HIVEP1: variants seen among roughly 807,000 people sequenced by gnomAD.
HIVEP1 encodes the protein zinc finger protein 40.
Under a neutral mutation model 180.0 loss-of-function variants are expected in HIVEP1, and 36 were observed. That is an observed-to-expected ratio of 0.20 (90% CI 0.15 to 0.26). The LOEUF is 0.26. Ranked by LOEUF, HIVEP1 falls within the 10% of genes least tolerant of loss-of-function variation. The probability of loss-of-function intolerance (pLI) is 1.00; values close to 1 mark genes in which losing one functional copy is unlikely to be tolerated. For missense variants in HIVEP1, 3,143 were observed against 3,268.7 expected (o/e 0.96, Z 0.94); for synonymous variants, 1,239 against 1,239.0 (o/e 1.00, Z 0.00).
At chr6:12,039,655 C>T (rs1006912450) in intron 2 of HIVEP1, among the ~76,000 whole-genome samples, 24 of 152,098 alleles carry the variant, frequency 1.6e-4, no homozygotes, top group Non-Finnish European at 2.9e-5. Flanking sequence ...CAAGTAGAAG[C>T]GTAAAGCCAG....
chr6:12,053,354 A>AT (rs142042716), intron 2 of HIVEP1, among the ~76,000 whole-genome samples: 28,466 of 151,970 alleles, frequency 0.19, 2,659 homozygotes, highest in Middle Eastern at 0.24. Flanking sequence ...GAAGAGTGGG[A>AT]TTTTTTTCTA....
the HIVEP1 span, among the ~76,000 whole-genome samples, chr6:12,181,060 T>G: frequency 0.072 from 10,959 of 152,256 alleles, 412 homozygotes; most frequent in South Asian, 0.15. Context: ...TTTTGTAACT[T>G]AAGCAAAATT....
the HIVEP1 span, among the ~76,000 whole-genome samples, chr6:12,208,356 C>G: frequency 6.6e-6 from 1 of 152,078 alleles, no homozygotes; most frequent in Non-Finnish European, 1.5e-5. Context: ...TGACAGCAGT[C>G]AGGAAGTATA....
chr6:12,016,360 A>G (rs1767747803), intron 2 of HIVEP1, among the ~76,000 whole-genome samples: 1 of 152,252 alleles, frequency 6.6e-6, no homozygotes, highest in Admixed American at 6.5e-5. Context: ...TATCTTTTAT[A>G]TTAAACTTCA....
chr6:12,151,803 T>A (rs1759720457), intron 7 of HIVEP1, among the ~76,000 whole-genome samples: 2 of 152,210 alleles, frequency 1.3e-5, no homozygotes, highest in South Asian at 4.1e-4. Flanking sequence ...AGCCTGGCTG[T>A]GTTCCAATAA....
At chr6:12,197,509 A>G in the HIVEP1 span, among the ~76,000 whole-genome samples, 18 of 148,812 alleles carry the variant, frequency 1.2e-4, no homozygotes, top group Admixed American at 3.4e-4. Flanking sequence ...GCCGAGGTCG[A>G]GCCACTGCAC....
chr6:12,122,483 T>C lies in HIVEP1; in HGVS notation c.2688T>C (p.Leu896=). Residue 896 remains leucine, a synonymous_variant, in exon 4 of 9, where the codon CTT becomes CTC. Coordinates refer to ENST00000379388, the MANE Select transcript of HIVEP1 (RefSeq NM_002114.4). ...PVPQSGHPRT[L]VRQAAIEDSS... ...CCCAGAGTGGGCATCCCCGTACACT[T>C]GTGAGACAAGCAGCCATAGAAGACT... is the stretch of plus-strand genomic sequence containing the variant. 1.2e-6 allele frequency: 2 copies of C among 1,614,190 alleles called. No individual in the cohort carries two copies. The highest frequency in any genetic ancestry group is 1.7e-6 in the Non-Finnish European group (2 of 1,180,030).
chr6:12,055,533 C>T (rs760228260), intron 2 of HIVEP1, among the ~76,000 whole-genome samples: 3 of 151,988 alleles, frequency 2.0e-5, no homozygotes, highest in Admixed American at 1.3e-4. Flanking sequence ...AATAGAAAAC[C>T]ACAATGCCTC....
At chr6:12,112,403 T>G (rs1343650823) in intron 3 of HIVEP1, among the ~76,000 whole-genome samples, 1 of 152,226 alleles carries the variant, frequency 6.6e-6, no homozygotes, top group African/African-American at 2.4e-5. Flanking sequence ...GTATTTTTTT[T>G]ATTCTTTATG....
Position 12,063,082 on chromosome 6 carries a change from T to C in HIVEP1, c.41-26102T>C, listed in dbSNP as rs1346076658. ...TTATTCATGATTTAAAAATATAATA[T>C]GCTAATCTAAATTATGTTTTACTCT... On this transcript the variant is annotated intron_variant, in intron 2 of 8. Coordinates refer to ENST00000379388, the MANE Select transcript of HIVEP1 (RefSeq NM_002114.4). The surrounding 1 kb of genome is among the most constrained non-coding windows in gnomAD (Gnocchi z 4.2). Among the ~76,000 whole-genome samples, 1 of 152,206 alleles carries C rather than the reference T, an allele frequency of 6.6e-6. No homozygotes were observed. Among genetic ancestry groups the C allele is most frequent in the Non-Finnish European group, 1.5e-5 (1 of 68,034 alleles).
At chr6:12,135,974 G>T (rs760632940) in intron 7 of HIVEP1, 82 bp downstream of exon 7, 2 of 757,616 alleles carry the variant, frequency 2.6e-6, no homozygotes, top group South Asian at 1.6e-5. Context: ...CATTCCCACT[G>T]ATTCTGCCTA....
the HIVEP1 span, among the ~76,000 whole-genome samples, chr6:12,197,452 G>C: frequency 2.6e-5 from 4 of 151,606 alleles, no homozygotes; most frequent in African/African-American, 9.7e-5. Context: ...CCAGCTACTC[G>C]GGAGGCTGAG....
At chr6:12,198,420 AAAGAGAACATAT>A in the HIVEP1 span, among the ~76,000 whole-genome samples, 2 of 152,230 alleles carry the variant, frequency 1.3e-5, no homozygotes, top group Admixed American at 6.5e-5. Flanking sequence ...TTGAAGATGC[AAAGAGAACATAT>A]AAGTAATAAT....
intron 2 of HIVEP1, among the ~76,000 whole-genome samples, chr6:12,021,970 G>A (rs1055787174): frequency 1.3e-5 from 2 of 151,880 alleles, no homozygotes; most frequent in Non-Finnish European, 2.9e-5. Flanking sequence ...TGGCCTGGTT[G>A]TGTCAACTTT....
intron 2 of HIVEP1, among the ~76,000 whole-genome samples, chr6:12,016,116 G>A (rs1767727582): frequency 6.6e-6 from 1 of 152,164 alleles, no homozygotes; most frequent in Admixed American, 6.5e-5. Context: ...GAAGAGAATT[G>A]TAGGCATTCA....
intron 7 of HIVEP1, among the ~76,000 whole-genome samples, chr6:12,138,654 C>T (rs889125689): frequency 8.5e-5 from 13 of 152,274 alleles, no homozygotes; most frequent in East Asian, 3.9e-4. Flanking sequence ...TAGGTAGTCT[C>T]ATCCGGTCTC....
chr6:12,175,943 G>A, the HIVEP1 span, among the ~76,000 whole-genome samples: 1 of 152,104 alleles, frequency 6.6e-6, no homozygotes, highest in Non-Finnish European at 1.5e-5. Context: ...CTTTGCATAT[G>A]ATTGCTACTG....
chr6:12,048,121 TAAGCGGGCATCTCC>T (rs1291411230), intron 2 of HIVEP1, among the ~76,000 whole-genome samples: 1 of 152,244 alleles, frequency 6.6e-6, no homozygotes. Context: ...AGATTTCTGT[TAAGCGGGCATCTCC>T]ATTTCAGCCA....
At chr6:12,039,811 C>T (rs1331089216) in intron 2 of HIVEP1, among the ~76,000 whole-genome samples, 1 of 152,144 alleles carries the variant, frequency 6.6e-6, no homozygotes, top group Non-Finnish European at 1.5e-5. Context: ...AGAAGCTATG[C>T]AGCCAGGACA....
Sources: allele counts gnomAD v4.1 joint callset (sites outside exome capture counted in the v4.1 genomes callset), GRCh38; gene constraint gnomAD v4.1.1; non-coding constraint Gnocchi (gnomAD v3.1); transcripts MANE v1.5; gene names NCBI Gene and HGNC (gene_info 2026-07-23, HGNC 2026-07-21).